Variants in DPYD observed in about 807,000 individuals in gnomAD.
The protein encoded by DPYD is dihydropyrimidine dehydrogenase [NADP(+)].
A neutral mutation model predicts 116.2 loss-of-function variants in DPYD; 109 were observed. The observed-to-expected ratio is 0.94, with a 90% CI of 0.80 to 1.10. The LOEUF is 1.10. DPYD is among the 50% of genes least tolerant of loss of function. The probability of loss-of-function intolerance (pLI) is 0.00; values close to 1 mark genes in which losing one functional copy is unlikely to be tolerated. For synonymous variants in DPYD, 440 were observed against 432.0 expected, an observed-to-expected ratio of 1.02 and a Z score of -0.23; for missense variants, 1,302 against 1,254.5, an observed-to-expected ratio of 1.04 and a Z score of -0.57.
At chr1:97,794,091 C>G (rs1209112096) in intron 3 of DPYD, among the ~76,000 whole-genome samples, 1 of 152,130 alleles carries the variant, frequency 6.6e-6, no homozygotes, top group Admixed American at 6.6e-5. Flanking sequence ...GCATGCGCCA[C>G]TATGCCCAGC....
At chr1:97,529,667 TTTCTC>T (rs894782399) in intron 12 of DPYD, among the ~76,000 whole-genome samples, 12 of 149,420 alleles carry the variant, frequency 8.0e-5, no homozygotes, top group African/African-American at 2.9e-4. Context: ...CTTTTTTTCT[TTTCTC>T]TTTCTCTTTT....
At chr1:97,216,899 C>T (rs943728700) in intron 19 of DPYD, among the ~76,000 whole-genome samples, 1 of 151,934 alleles carries the variant, frequency 6.6e-6, no homozygotes, top group African/African-American at 2.4e-5. Flanking sequence ...TAAATTTTCT[C>T]ATGTTTGTGT....
At chr1:97,786,641 G>A (rs2101241265) in intron 3 of DPYD, among the ~76,000 whole-genome samples, 1 of 152,290 alleles carries the variant, frequency 6.6e-6, no homozygotes, top group African/African-American at 2.4e-5. Context: ...GAATAAAACA[G>A]AATAGACACC....
At chr1:97,186,910 G>A (rs1171566348) in intron 20 of DPYD, among the ~76,000 whole-genome samples, 1 of 152,036 alleles carries the variant, frequency 6.6e-6, no homozygotes, top group Non-Finnish European at 1.5e-5. Flanking sequence ...ATCCATCGAT[G>A]TTGCTATAAA....
intron 3 of DPYD, among the ~76,000 whole-genome samples, chr1:97,824,466 A>ATTT (rs1669126031): frequency 6.6e-6 from 1 of 152,218 alleles, no homozygotes; most frequent in African/African-American, 2.4e-5. Flanking sequence ...TAAGTATTTA[A>ATTT]ATTTAAATTA....
intron 19 of DPYD, among the ~76,000 whole-genome samples, chr1:97,208,563 G>A (rs149494294): frequency 2.2e-4 from 33 of 152,124 alleles, no homozygotes; most frequent in African/African-American, 7.0e-4. Flanking sequence ...GGGACTATAG[G>A]TGTGACACAC....
intron 16 of DPYD, among the ~76,000 whole-genome samples, chr1:97,348,789 CA>C (rs1420996108): frequency 1.3e-5 from 2 of 152,094 alleles, no homozygotes; most frequent in African/African-American, 4.8e-5. Flanking sequence ...ATGTGTGACA[CA>C]ATCTCATGCA....
intron 18 of DPYD, among the ~76,000 whole-genome samples, chr1:97,304,007 G>A (rs1389311848): frequency 6.6e-6 from 1 of 152,032 alleles, no homozygotes; most frequent in Non-Finnish European, 1.5e-5. Context: ...CTGAGTTATA[G>A]TATGGGAGAA....
At chr1:97,124,219 G>A (rs561933262) in intron 20 of DPYD, among the ~76,000 whole-genome samples, 9 of 151,732 alleles carry the variant, frequency 5.9e-5, no homozygotes, top group African/African-American at 1.9e-4. Context: ...CTCCACCCCC[G>A]CCCTGCTCTA....
At chr1:97,155,539 C>T (rs139464663) in intron 20 of DPYD, among the ~76,000 whole-genome samples, 14 of 152,248 alleles carry the variant, frequency 9.2e-5, no homozygotes, top group Admixed American at 9.2e-4. Flanking sequence ...CACTGAAAGC[C>T]TGATTTTACT....
intron 2 of DPYD, among the ~76,000 whole-genome samples, chr1:97,852,859 T>C (rs896532074): frequency 1.3e-5 from 2 of 152,200 alleles, no homozygotes; most frequent in African/African-American, 2.4e-5. Flanking sequence ...CATTATAATT[T>C]AGTAAGCTGG....
chr1:97,654,679 TAAAG>T (rs144058452), intron 8 of DPYD, among the ~76,000 whole-genome samples: 3,044 of 152,080 alleles, frequency 0.02, 103 homozygotes, highest in African/African-American at 0.07. Context: ...TTTATAAAAA[TAAAG>T]ACATACTATT....
At chr1:97,141,279 G>A (rs143938145) in intron 20 of DPYD, among the ~76,000 whole-genome samples, 207 of 152,250 alleles carry the variant, frequency 1.4e-3, no homozygotes, top group African/African-American at 4.9e-3. Context: ...TCTTGAATTA[G>A]AAGGGAACTA....
chr1:97,084,504 A>T (rs892012294), intron 21 of DPYD, among the ~76,000 whole-genome samples: 8 of 151,114 alleles, frequency 5.3e-5, no homozygotes, highest in African/African-American at 1.7e-4. Context: ...TTTCTTAAAA[A>T]TTTTTTTTGA....
intron 10 of DPYD, among the ~76,000 whole-genome samples, chr1:97,583,748 A>C (rs2102220023): frequency 6.6e-6 from 1 of 151,806 alleles, no homozygotes; most frequent in East Asian, 1.9e-4. Context: ...AGATTGACAT[A>C]AAAATGTGAC....
intron 8 of DPYD, among the ~76,000 whole-genome samples, chr1:97,625,550 C>A (rs1656881298): frequency 6.6e-6 from 1 of 151,930 alleles, no homozygotes; most frequent in Admixed American, 6.6e-5. Context: ...GAGATAAGAT[C>A]TTCAAAGAAA....
intron 20 of DPYD, among the ~76,000 whole-genome samples, chr1:97,163,918 C>G (rs991970038): frequency 6.6e-6 from 1 of 152,082 alleles, no homozygotes; most frequent in African/African-American, 2.4e-5. Flanking sequence ...ATTTTTGGTT[C>G]ATAGAGTTCA....
At position 97,736,510 on chromosome 1, in the gene DPYD, A is replaced by C. The variant is rs60470684; in HGVS notation, c.321+3882T>G. On this transcript the variant is annotated intron_variant, in intron 4 of 22. Coordinates refer to ENST00000370192, the MANE Select transcript of DPYD (RefSeq NM_000110.4). ...AATTGACAAAAATATGAATAAAGCT[A>C]ATCCAATATTGACTAAATAAAGCAA... 6.9e-3 allele frequency among the ~76,000 whole-genome samples: 1,043 copies of C among 152,262 alleles called. 10 individuals carry two copies. Among genetic ancestry groups the C allele is most frequent in the African/African-American group, 0.024 (984 of 41,564 alleles).
chr1:97,354,537 AGGACAAACATATTTAGGTT>A (rs1293216597), intron 16 of DPYD, among the ~76,000 whole-genome samples: 3 of 152,232 alleles, frequency 2.0e-5, no homozygotes, highest in African/African-American at 7.2e-5. Flanking sequence ...ATTCTGGACA[AGGACAAACATATTTAGGTT>A]GGAGAAATCA....
Sources: gnomAD v4.1 joint callset for allele counts (sites outside exome capture counted in the v4.1 genomes callset) on GRCh38, gnomAD v4.1.1 for gene constraint, MANE v1.5 for transcripts, NCBI Gene and HGNC (gene_info 2026-07-23, HGNC 2026-07-21) for gene names.